CPNE5: variants seen among roughly 807,000 people sequenced by gnomAD.
CPNE5 encodes copine 5.
CPNE5 carries 42 observed loss-of-function variants against 81.1 expected under a neutral mutation model. The ratio of observed to expected loss-of-function variants is 0.52; its 90% CI spans 0.40 to 0.67. The LOEUF is 0.67. CPNE5 is among the 30% of genes least tolerant of loss of function. CPNE5 has a pLI of 0.00. For synonymous variants in CPNE5, 313 were observed against 321.5 expected (o/e 0.97, Z 0.28); for missense variants, 612 against 815.5 (o/e 0.75, Z 3.04).
At chr6:36,820,714 A>G (rs989762311) in intron 3 of CPNE5, among the ~76,000 whole-genome samples, 6 of 151,744 alleles carry the variant, frequency 4.0e-5, no homozygotes, top group African/African-American at 1.5e-4. Context: ...CAAAGGCAGG[A>G]GGATTGCTTG....
At chr6:36,777,762 C>CA (rs1562126296) in intron 9 of CPNE5, among the ~76,000 whole-genome samples, 37 of 17,446 alleles carry the variant, frequency 2.1e-3, no homozygotes, top group East Asian at 8.9e-3. Flanking sequence ...TACCCCCCCC[C>CA]CCACCACACA....
At chr6:36,744,626 C>A in intron 18 of CPNE5, 1 of 503,696 alleles carries the variant, frequency 2.0e-6, no homozygotes, top group South Asian at 2.5e-5. Context: ...GCTTGGGGAG[C>A]CATGTTCCTG....
rs185425066 is a variant in CPNE5, at chr6:36,823,065, G to A, written c.129C>T (p.Ser43=). ...TGTCAGAGCAGGACTTACGTGGGTC[G>A]GACTTGGAAAACATGTCTTTGTCCA... ...NLLDKDMFSK[S]DPLCVMYTQG... is the part of the protein sequence containing the mutation. The change falls in exon 2 of 21, where the codon TCC becomes TCT. Residue 43 remains serine, a synonymous_variant. Coordinates refer to ENST00000244751, the MANE Select transcript of CPNE5 (RefSeq NM_020939.2). 7.0e-6 allele frequency: 11 copies of A among 1,574,330 alleles called. No homozygotes were observed. In the East Asian group the frequency reaches 7.1e-5, roughly 10 times the overall value.
At chr6:36,787,243 C>A (rs1399392548) in intron 8 of CPNE5, among the ~76,000 whole-genome samples, 1 of 152,128 alleles carries the variant, frequency 6.6e-6, no homozygotes, top group Non-Finnish European at 1.5e-5. Context: ...CTCCCTGAAG[C>A]TTATCTTTGG....
intron 1 of CPNE5, chr6:36,827,249 C>G (rs547537881): frequency 1.3e-5 from 11 of 857,566 alleles, no homozygotes; most frequent in African/African-American, 7.3e-5. Flanking sequence ...TCCCACACCT[C>G]GTCCACACTT....
chr6:36,792,616 C>T (rs1004899895), intron 7 of CPNE5, among the ~76,000 whole-genome samples: 6 of 152,168 alleles, frequency 3.9e-5, no homozygotes, highest in Admixed American at 6.5e-5. Flanking sequence ...CCCATGGCTA[C>T]CTCCCCTTAA....
chr6:36,760,405 C>T (rs912008968), intron 12 of CPNE5, among the ~76,000 whole-genome samples: 1 of 152,070 alleles, frequency 6.6e-6, no homozygotes, highest in African/African-American at 2.4e-5. Context: ...GAATGCCCTA[C>T]ACAGATTTTA....
At chr6:36,786,227 C>T (rs1395510854) in intron 8 of CPNE5, among the ~76,000 whole-genome samples, 2 of 152,006 alleles carry the variant, frequency 1.3e-5, no homozygotes, top group Admixed American at 6.6e-5. Flanking sequence ...GAGTAGGGCC[C>T]TCTAGGAGGA....
intron 10 of CPNE5, among the ~76,000 whole-genome samples, chr6:36,772,897 T>C (rs1282789328): frequency 2.0e-5 from 3 of 152,158 alleles, no homozygotes; most frequent in Non-Finnish European, 4.4e-5. Context: ...TGGAGTGCAG[T>C]GGTGCAATCA....
chr6:36,744,200 C>T (rs1763858348), intron 19 of CPNE5, 68 bp downstream of exon 19: 3 of 1,275,464 alleles, frequency 2.4e-6, no homozygotes, highest in Admixed American at 3.9e-5. Context: ...TCTGGGGAAA[C>T]ATCTGGGGTG....
At chr6:36,828,444 G>C (rs111981751) in intron 1 of CPNE5, among the ~76,000 whole-genome samples, 37,361 of 103,234 alleles carry the variant, frequency 0.36, 4,938 homozygotes, top group East Asian at 0.48. Flanking sequence ...TCCTCAGCCA[G>C]AAAGGCATAT....
chr6:36,810,305 C>T (rs986768859), intron 3 of CPNE5, among the ~76,000 whole-genome samples: 9 of 152,208 alleles, frequency 5.9e-5, no homozygotes, highest in Non-Finnish European at 1.2e-4. Context: ...AGACTGCTGT[C>T]TACCTCACAA....
chr6:36,824,376 C>A (rs990575181), intron 1 of CPNE5, among the ~76,000 whole-genome samples: 1 of 152,184 alleles, frequency 6.6e-6, no homozygotes, highest in African/African-American at 2.4e-5. Flanking sequence ...ACATCCCACG[C>A]TGACCAGGTC....
Position 36,762,914 on chromosome 6 carries a change from C to T in CPNE5, c.855+3G>A, listed in dbSNP as rs1010753684. The stretch of plus-strand genomic sequence containing the variant: ...AACCCTGGATTTCGGGTGCCCACCT[C>T]ACCTCATAGATGTTGAATTGGCTCT... On this transcript the variant is annotated splice_donor_region_variant and intron_variant, in intron 12 of 20. Transcript: ENST00000244751. The T allele has an allele frequency of 8.7e-6, 14 of 1,613,868 alleles. No homozygotes were observed. Among genetic ancestry groups the T allele is most frequent in the South Asian group, 1.1e-5 (1 of 91,080 alleles).
chr6:36,754,122 C>T (rs1004880572), intron 13 of CPNE5: 7 of 152,190 alleles, frequency 4.6e-5, no homozygotes, highest in African/African-American at 1.7e-4. Flanking sequence ...TGACTGATGA[C>T]CATGAGATGC....
At position 36,767,934 on chromosome 6, in the gene CPNE5, A is replaced by C. The variant is rs77440562; in HGVS notation, c.738-2558T>G. ...TACTGACACCAATGTCTTACCCGAG[A>C]GATTCATGATCAGTTGGTCTGGAGT... On this transcript the variant is annotated intron_variant, in intron 10 of 20. Coordinates refer to ENST00000244751, the MANE Select transcript of CPNE5 (RefSeq NM_020939.2). Among the ~76,000 whole-genome samples the C allele has an allele frequency of 3.0e-3, 459 of 152,338 alleles. 6 individuals are homozygous for C. The highest frequency in any genetic ancestry group is 0.011 in the African/African-American group (439 of 41,568).
chr6:36,745,130 T>C lies in CPNE5; in HGVS notation c.1349A>G (p.Asp450Gly). ...HVARNAAAVQDGSQYSVLLII... is the reference protein window; with the variant it reads ...HVARNAAAVQGGSQYSVLLII... The stretch of plus-strand genomic sequence containing the variant: ...GAGCAGCACCGAGTACTGGGAGCCA[T>C]CCTGCACGGCCGCTGCATTCCTGGG... Residue 450 changes from aspartate to glycine, a missense_variant, in exon 18 of 21, where the codon GAT becomes GGT. Transcript: ENST00000244751. The C allele has an allele frequency of 1.2e-6, 2 of 1,613,854 alleles. No homozygotes were observed. The highest frequency in any genetic ancestry group is 1.7e-6 in the Non-Finnish European group (2 of 1,179,864).
intron 12 of CPNE5, among the ~76,000 whole-genome samples, chr6:36,756,567 G>A (rs1182971225): frequency 2.0e-5 from 3 of 152,158 alleles, no homozygotes; most frequent in Non-Finnish European, 4.4e-5. Context: ...ACTGTTCCCC[G>A]GAACACACGC....
intron 12 of CPNE5, among the ~76,000 whole-genome samples, chr6:36,760,634 A>G (rs236436): frequency 6.6e-6 from 1 of 151,980 alleles, no homozygotes; most frequent in African/African-American, 2.4e-5. Context: ...GGGATGGGGA[A>G]GTTAAGTATG....
Sources: gnomAD v4.1 joint callset for allele counts (sites outside exome capture counted in the v4.1 genomes callset) on GRCh38, gnomAD v4.1.1 for gene constraint, MANE v1.5 for transcripts, NCBI Gene and HGNC (gene_info 2026-07-23, HGNC 2026-07-21) for gene names.